The following PID1 variants were observed in gnomAD, a reference collection of about 807,000 sequenced individuals.
The protein encoded by PID1 is PTB-containing, cubilin and LRP1-interacting protein.
PID1 carries 10 observed loss-of-function variants against 19.1 expected under a neutral mutation model. The observed-to-expected ratio is 0.52, with a 90% CI of 0.32 to 0.89. The LOEUF (loss-of-function observed/expected upper bound fraction) is 0.89. PID1 is among the 40% of genes least tolerant of loss of function. The pLI is 0.03. For synonymous variants in PID1, 130 were observed against 116.0 expected, an observed-to-expected ratio of 1.12 and a Z score of -0.78; for missense variants, 248 against 285.3, an observed-to-expected ratio of 0.87 and a Z score of 0.94.
intron 1 of PID1, among the ~76,000 whole-genome samples, chr2:229,187,037 T>C (rs1213108893): frequency 1.3e-5 from 2 of 152,148 alleles, no homozygotes; most frequent in African/African-American, 2.4e-5. Flanking sequence ...TACTAAAACA[T>C]AGCAAGCGTC....
At chr2:229,107,809 G>A (rs1695209723) in intron 2 of PID1, among the ~76,000 whole-genome samples, 1 of 152,158 alleles carries the variant, frequency 6.6e-6, no homozygotes. Context: ...GCATCCCCTG[G>A]AAGCTTGTTA....
At chr2:229,150,713 G>C (rs1388022982) in intron 2 of PID1, among the ~76,000 whole-genome samples, 1 of 152,020 alleles carries the variant, frequency 6.6e-6, no homozygotes, top group Non-Finnish European at 1.5e-5. Flanking sequence ...CTGCTATTTT[G>C]CTTTAACAGT....
chr2:229,091,726 T>C (rs977629704), intron 2 of PID1, among the ~76,000 whole-genome samples: 4 of 152,206 alleles, frequency 2.6e-5, no homozygotes, highest in Non-Finnish European at 4.4e-5. Context: ...AGGTATTTTG[T>C]AATAGTAACC....
intron 1 of PID1, among the ~76,000 whole-genome samples, chr2:229,229,774 C>T (rs1692162843): frequency 6.6e-6 from 1 of 152,250 alleles, no homozygotes; most frequent in African/African-American, 2.4e-5. Flanking sequence ...TCTCTCATCT[C>T]CCACCCGTCT....
At chr2:229,050,071 T>C (rs746356693) in intron 2 of PID1, among the ~76,000 whole-genome samples, 3 of 152,090 alleles carry the variant, frequency 2.0e-5, no homozygotes, top group African/African-American at 7.2e-5. Context: ...AAATAATAAG[T>C]CATTTGTCTG....
chr2:229,148,844 A>T (rs1480221862), intron 2 of PID1, among the ~76,000 whole-genome samples: 1 of 152,146 alleles, frequency 6.6e-6, no homozygotes, highest in Non-Finnish European at 1.5e-5. Flanking sequence ...GCAGAAAAAT[A>T]AAAGCTTGTC....
chr2:229,082,294 G>A (rs181127173), intron 2 of PID1, among the ~76,000 whole-genome samples: 1 of 152,286 alleles, frequency 6.6e-6, no homozygotes, highest in African/African-American at 2.4e-5. Context: ...AACAAACATG[G>A]CTGTACCATA....
chr2:229,269,806 C>T (rs1037935728), intron 1 of PID1, among the ~76,000 whole-genome samples: 3 of 152,152 alleles, frequency 2.0e-5, no homozygotes, highest in African/African-American at 7.2e-5. Flanking sequence ...CTTGTTTATT[C>T]TACTTGAGAC....
chr2:229,129,083 G>A (rs1689655715), intron 2 of PID1, among the ~76,000 whole-genome samples: 2 of 152,068 alleles, frequency 1.3e-5, no homozygotes. Flanking sequence ...GAGGCTTAGA[G>A]AGACTGAACC....
At chr2:229,134,802 C>T (rs1439885474) in intron 2 of PID1, among the ~76,000 whole-genome samples, 1 of 151,974 alleles carries the variant, frequency 6.6e-6, no homozygotes, top group African/African-American at 2.4e-5. Context: ...GTATTCTTTC[C>T]AAGAGATATG....
At chr2:229,256,136 G>A (rs1690288881) in intron 1 of PID1, among the ~76,000 whole-genome samples, 2 of 152,100 alleles carry the variant, frequency 1.3e-5, no homozygotes, top group African/African-American at 4.8e-5. Flanking sequence ...GTATCCACAG[G>A]GCTCAGCAAG....
intron 1 of PID1, among the ~76,000 whole-genome samples, chr2:229,205,106 T>C (rs1213412722): frequency 6.6e-6 from 1 of 152,134 alleles, no homozygotes; most frequent in African/African-American, 2.4e-5. Flanking sequence ...AAAGTCAACA[T>C]CATCCTTCCT....
chr2:229,117,393 T>C (rs1231445367), intron 2 of PID1, among the ~76,000 whole-genome samples: 3 of 152,144 alleles, frequency 2.0e-5, no homozygotes, highest in African/African-American at 4.8e-5. Flanking sequence ...AGATGTACCA[T>C]GCTTGTATCC....
intron 2 of PID1, among the ~76,000 whole-genome samples, chr2:229,128,897 G>T (rs1689647412): frequency 6.6e-6 from 1 of 152,138 alleles, no homozygotes. Context: ...AGTGCAATTG[G>T]ATTGTTTGCA....
chr2:229,028,678 C>G (rs75375643), intron 2 of PID1, among the ~76,000 whole-genome samples: 5 of 152,134 alleles, frequency 3.3e-5, no homozygotes, highest in African/African-American at 1.2e-4. Context: ...ATAAATACTA[C>G]GCAGCCATGA....
At chr2:229,266,300 G>A (rs1210682981) in intron 1 of PID1, among the ~76,000 whole-genome samples, 1 of 151,574 alleles carries the variant, frequency 6.6e-6, no homozygotes, top group Non-Finnish European at 1.5e-5. Flanking sequence ...TGGAATGAAT[G>A]TGTACACAAT....
intron 2 of PID1, among the ~76,000 whole-genome samples, chr2:229,139,928 G>T (rs890158879): frequency 6.6e-6 from 1 of 152,072 alleles, no homozygotes; most frequent in African/African-American, 2.4e-5. Context: ...CCACATGGGG[G>T]CCAAGAGAGG....
intron 1 of PID1, among the ~76,000 whole-genome samples, chr2:229,163,415 A>G (rs1270231816): frequency 6.6e-6 from 1 of 152,190 alleles, no homozygotes; most frequent in African/African-American, 2.4e-5. Context: ...CTCTATATCT[A>G]TTAAAGAAAT....
intron 2 of PID1, among the ~76,000 whole-genome samples, chr2:229,125,802 G>C (rs1695611380): frequency 6.6e-6 from 1 of 152,168 alleles, no homozygotes; most frequent in Non-Finnish European, 1.5e-5. Context: ...CACGTGCAAT[G>C]CATGCTTGTG....
Sources: allele counts gnomAD v4.1 joint callset (sites outside exome capture counted in the v4.1 genomes callset), GRCh38; gene constraint gnomAD v4.1.1; transcripts MANE v1.5; gene names NCBI Gene and HGNC (gene_info 2026-07-23, HGNC 2026-07-21).